Variants in HNRNPM observed in about 807,000 individuals in gnomAD.
The protein encoded by HNRNPM is CEA receptor.
A neutral mutation model predicts 73.1 loss-of-function variants in HNRNPM; 11 were observed. The ratio of observed to expected loss-of-function variants is 0.15; its 90% CI spans 0.09 to 0.25. The LOEUF (loss-of-function observed/expected upper bound fraction) is 0.25, where lower values mean the gene tolerates loss of function less well. Ranked by LOEUF, HNRNPM falls within the 10% of genes least tolerant of loss-of-function variation. The pLI is 1.00. For synonymous variants in HNRNPM, 407 were observed against 355.2 expected (o/e 1.15, Z -1.64); for missense variants, 789 against 1,067.9 (o/e 0.74, Z 3.64).
chr19:8,485,498 G>A, intron 13 of HNRNPM, 105 bp from the exon 14 acceptor site: 1 of 1,121,866 alleles, frequency 8.9e-7, no homozygotes. Flanking sequence ...ATTATGGTGG[G>A]CCTTTACCCC....
At chr19:8,459,076 C>G (rs1333890708) in intron 2 of HNRNPM, among the ~76,000 whole-genome samples, 1 of 152,178 alleles carries the variant, frequency 6.6e-6, no homozygotes, top group Non-Finnish European at 1.5e-5. Flanking sequence ...TAGGCACCCA[C>G]CACCACGCCG....
intron 1 of HNRNPM, among the ~76,000 whole-genome samples, chr19:8,454,115 A>G (rs1359484197): frequency 6.6e-6 from 1 of 152,112 alleles, no homozygotes; most frequent in Non-Finnish European, 1.5e-5. Context: ...CATAAAATAG[A>G]CCATTTTAAC....
intron 15 of HNRNPM, chr19:8,487,930 G>C (rs1971429189): frequency 6.6e-6 from 1 of 152,378 alleles, no homozygotes; most frequent in African/African-American, 2.4e-5. Flanking sequence ...GAGCGGCCCT[G>C]TGCCTTCAAG....
intron 1 of HNRNPM, among the ~76,000 whole-genome samples, chr19:8,448,956 A>G (rs921986896): frequency 6.6e-6 from 1 of 152,198 alleles, no homozygotes; most frequent in African/African-American, 2.4e-5. Context: ...AACCTGACCT[A>G]AAGACTCCAG....
At chr19:8,470,481 A>G (rs946680365) in intron 9 of HNRNPM, among the ~76,000 whole-genome samples, 1 of 150,928 alleles carries the variant, frequency 6.6e-6, no homozygotes, top group African/African-American at 2.5e-5. Context: ...ATGTGCCACC[A>G]TGCCAGGCTA....
At chr19:8,445,574 C>G (rs1968098503) in intron 1 of HNRNPM, 2 of 153,658 alleles carry the variant, frequency 1.3e-5, no homozygotes, top group Non-Finnish European at 2.9e-5. Flanking sequence ...CGCGCGCAGT[C>G]AGCCCGAGTC....
At position 8,462,608 on chromosome 19, in the gene HNRNPM, T is replaced by A; in HGVS notation, c.336+27T>A. Reference sequence around the variant, plus strand: ...TAAGTGTCTGAGAGAATTTCTTCTGTGGATTTACTACATGAAAAATGTAAC... The same window carrying A: ...TAAGTGTCTGAGAGAATTTCTTCTGAGGATTTACTACATGAAAAATGTAAC... On this transcript the variant is annotated intron_variant, in intron 3 of 15. Transcript: ENST00000325495. The surrounding 1 kb of genome is among the most constrained non-coding windows in gnomAD (Gnocchi z 4.5). The A allele has an allele frequency of 6.3e-7, 1 of 1,575,296 alleles. No homozygotes were observed. Among genetic ancestry groups the A allele is most frequent in the Non-Finnish European group, 8.7e-7 (1 of 1,144,520 alleles).
chr19:8,455,327 T>A, intron 1 of HNRNPM, 78 bp from the exon 2 acceptor site: 1 of 1,272,076 alleles, frequency 7.9e-7, no homozygotes, highest in South Asian at 1.4e-5. Context: ...ATTGTAAACC[T>A]GGCAAATCAA....
At chr19:8,478,757 GCGTGTACT>G in intron 12 of HNRNPM, among the ~76,000 whole-genome samples, 1 of 152,322 alleles carries the variant, frequency 6.6e-6, no homozygotes. Context: ...GGAAACTGCT[GCGTGTACT>G]TGACTTTCTG....
At chr19:8,451,935 A>G (rs1221188026) in intron 1 of HNRNPM, among the ~76,000 whole-genome samples, 2 of 152,218 alleles carry the variant, frequency 1.3e-5, no homozygotes, top group African/African-American at 2.4e-5. Context: ...TCAATTTTTT[A>G]AAAGTTGGAA....
chr19:8,463,720 G>T, intron 5 of HNRNPM, 34 bp downstream of exon 5: 1 of 1,380,984 alleles, frequency 7.2e-7, no homozygotes, highest in Non-Finnish European at 1.0e-6. Flanking sequence ...GATACTGTGT[G>T]TAATTGTTGA....
In HNRNPM at chr19:8,477,660, C is replaced by CAA. The variant is rs35193948; in HGVS notation, c.1120+3448_1120+3449dup. On this transcript the variant is annotated intron_variant, in intron 12 of 15. Transcript: ENST00000325495. Reference sequence around the variant, plus strand: ...GGGTTGACAGAGTGAAACCCTGTCTCAAAAAAAAAAAAAAAAAAAAAAAAA... The same window carrying CAA: ...GGGTTGACAGAGTGAAACCCTGTCTCAAAAAAAAAAAAAAAAAAAAAAAAAAA... Among the ~76,000 whole-genome samples the CAA allele has an allele frequency of 1.2e-3, 137 of 117,060 alleles. 2 individuals carry two copies. Among genetic ancestry groups the CAA allele is most frequent in the African/African-American group, 4.7e-3 (128 of 26,958 alleles). 76.8% of individuals were successfully genotyped at this position (117,060 alleles called of 152,430 possible). A position where few individuals can be genotyped will look rare whatever the true frequency, so the allele number is the denominator to read the frequency against.
chr19:8,456,943 T>G (rs1319241622), intron 2 of HNRNPM, among the ~76,000 whole-genome samples: 3 of 152,184 alleles, frequency 2.0e-5, no homozygotes, highest in African/African-American at 7.2e-5. Flanking sequence ...GTGTTCTTGG[T>G]TTTTGGGACT....
chr19:8,468,267 T>A (rs1411508511), intron 8 of HNRNPM, among the ~76,000 whole-genome samples: 3 of 152,204 alleles, frequency 2.0e-5, no homozygotes, highest in African/African-American at 7.2e-5. Flanking sequence ...AAGTCATTGA[T>A]TCAGACAGCT....
chr19:8,471,758 C>T (rs1970154627), intron 10 of HNRNPM, among the ~76,000 whole-genome samples: 1 of 152,140 alleles, frequency 6.6e-6, no homozygotes, highest in Non-Finnish European at 1.5e-5. Context: ...CTGCAGGTCT[C>T]CTGACCACGG....
At chr19:8,468,661 G>A (rs1969923781) in intron 8 of HNRNPM, 113 bp from the exon 9 acceptor site, 3 of 762,800 alleles carry the variant, frequency 3.9e-6, no homozygotes, top group East Asian at 2.6e-5. Flanking sequence ...ACTCCATGGC[G>A]TGGATAATGT....
intron 1 of HNRNPM, among the ~76,000 whole-genome samples, chr19:8,451,081 A>C (rs550254891): frequency 2.0e-5 from 3 of 151,908 alleles, no homozygotes; most frequent in Non-Finnish European, 4.4e-5. Flanking sequence ...TAATTTTTGT[A>C]TTTTTAGTAG....
chr19:8,488,556 C>A, intron 15 of HNRNPM, 135 bp from the exon 16 acceptor site: 1 of 672,466 alleles, frequency 1.5e-6, no homozygotes, highest in Non-Finnish European at 2.4e-6. Context: ...CTGAGGGGGC[C>A]GTAGTCATTG....
intron 12 of HNRNPM, among the ~76,000 whole-genome samples, chr19:8,477,025 T>C (rs1376816112): frequency 6.6e-6 from 1 of 152,204 alleles, no homozygotes; most frequent in African/African-American, 2.4e-5. Context: ...TAATTCATAA[T>C]GTGCTGCTGC....
Sources: allele counts gnomAD v4.1 joint callset (sites outside exome capture counted in the v4.1 genomes callset), GRCh38; gene constraint gnomAD v4.1.1; non-coding constraint Gnocchi (gnomAD v3.1); transcripts MANE v1.5; gene names NCBI Gene and HGNC (gene_info 2026-07-23, HGNC 2026-07-21).